The following CLDN1 variants were observed in gnomAD, a reference collection of about 807,000 sequenced individuals.
CLDN1 encodes claudin 1.
In CLDN1, 12 loss-of-function variants were observed where a neutral mutation model predicts 22.6. The observed-to-expected ratio is 0.53, with a 90% CI of 0.34 to 0.86. The LOEUF (loss-of-function observed/expected upper bound fraction) is 0.86. Among genes scored for constraint, CLDN1 ranks in the 40% least tolerant of loss-of-function variants. The probability of loss-of-function intolerance (pLI) is 0.02; values close to 1 mark genes in which losing one functional copy is unlikely to be tolerated. For synonymous variants in CLDN1, 99 were observed against 103.8 expected (o/e 0.95, Z 0.28); for missense variants, 250 against 269.5 (o/e 0.93, Z 0.51).
intron 1 of CLDN1, among the ~76,000 whole-genome samples, chr3:190,321,747 A>G (rs899222645): frequency 6.6e-6 from 1 of 152,180 alleles, no homozygotes; most frequent in Non-Finnish European, 1.5e-5. Context: ...ATGAAGCCAC[A>G]CCTAGAGTGG....
At chr3:190,314,147 A>G (rs535427274) in intron 1 of CLDN1, among the ~76,000 whole-genome samples, 43 of 152,292 alleles carry the variant, frequency 2.8e-4, no homozygotes, top group Non-Finnish European at 5.7e-4. Flanking sequence ...AATGTAAATT[A>G]TATCTTTATC....
At chr3:190,318,820 A>AT (rs1444669685) in intron 1 of CLDN1, among the ~76,000 whole-genome samples, 12 of 152,166 alleles carry the variant, frequency 7.9e-5, no homozygotes, top group African/African-American at 2.9e-4. Flanking sequence ...CACGTCAGTG[A>AT]TTTTGTCTCT....
rs906662029 is a variant in CLDN1, at chr3:190,305,877, T to C, written c.*2400A>G. ...CAATTTCGTTGGTCATTTTGGGCCA[T>C]AAAATTTTTTTGTAATGTTTGGTAA... is the stretch of plus-strand genomic sequence containing the variant. On this transcript the variant is annotated 3_prime_UTR_variant, in exon 4 of 4. Coordinates refer to ENST00000295522, the MANE Select transcript of CLDN1 (RefSeq NM_021101.5). 1.3e-5 allele frequency: 2 copies of C among 152,206 alleles called. No homozygotes were observed. The highest frequency in any genetic ancestry group is 2.1e-4 in the South Asian group (1 of 4,834). 9.4% of individuals were successfully genotyped at this position (152,206 alleles called of 1,614,324 possible). A position where few individuals can be genotyped will look rare whatever the true frequency, so the allele number is the denominator to read the frequency against.
At chr3:190,318,172 A>C (rs1716819799) in intron 1 of CLDN1, among the ~76,000 whole-genome samples, 1 of 152,182 alleles carries the variant, frequency 6.6e-6, no homozygotes, top group African/African-American at 2.4e-5. Context: ...ACATAAGCAA[A>C]ATCAGGAGTG....
Position 190,322,275 on chromosome 3 carries a change from A to T in CLDN1, c.-69T>A. ...GAAGGCGGAGAGTTTGCAGGTGGGC[A>T]ACCCGGACTCCCGAAGGTGGCTGGG... On this transcript the variant is annotated 5_prime_UTR_variant, in exon 1 of 4. Coordinates refer to ENST00000295522, the MANE Select transcript of CLDN1 (RefSeq NM_021101.5). 1 of 1,395,800 alleles carries T rather than the reference A, an allele frequency of 7.2e-7. No homozygotes were observed. The highest frequency in any genetic ancestry group is 1.0e-6 in the Non-Finnish European group (1 of 994,882). The allele number at this position is 1,395,800 out of a possible 1,614,324, so 86.5% of individuals were successfully genotyped here.
At chr3:190,312,010 C>T (rs910858520) in intron 2 of CLDN1, among the ~76,000 whole-genome samples, 6 of 150,362 alleles carry the variant, frequency 4.0e-5, no homozygotes, top group Admixed American at 6.6e-5. Flanking sequence ...TGCAGTGGTG[C>T]GATCTCGGCT....
chr3:190,316,613 T>C (rs1716777081), intron 1 of CLDN1, among the ~76,000 whole-genome samples: 1 of 152,188 alleles, frequency 6.6e-6, no homozygotes, highest in Non-Finnish European at 1.5e-5. Context: ...CATAGAAGTG[T>C]TTTAAATCAG....
intron 1 of CLDN1, among the ~76,000 whole-genome samples, chr3:190,319,514 C>T (rs1186898833): frequency 1.3e-5 from 2 of 152,146 alleles, no homozygotes. Flanking sequence ...TGTATTCCTT[C>T]AGATACTTTA....
rs115352609 is a variant in CLDN1 at position 190,318,393 on chromosome 3, C to T, written c.223+3591G>A. Among the ~76,000 whole-genome samples the T allele has an allele frequency of 5.3e-3, 801 of 152,262 alleles. 7 individuals carry two copies. Among genetic ancestry groups the T allele is most frequent in the African/African-American group, 0.019 (774 of 41,538 alleles). On this transcript the variant is annotated intron_variant, in intron 1 of 3. Coordinates refer to ENST00000295522, the MANE Select transcript of CLDN1 (RefSeq NM_021101.5). ...TCCCCTTCAATCACTGAAGTAATAA[C>T]AAAGAATTCTGGCACTGGAAGGAAT...
chr3:190,320,500 T>C (rs1350081043), intron 1 of CLDN1, among the ~76,000 whole-genome samples: 6 of 152,198 alleles, frequency 3.9e-5, no homozygotes, highest in Admixed American at 3.9e-4. Flanking sequence ...TTACTAAACT[T>C]ATGGATTGGT....
At chr3:190,315,647 C>A (rs138543488) in intron 1 of CLDN1, among the ~76,000 whole-genome samples, 251 of 152,202 alleles carry the variant, frequency 1.6e-3, no homozygotes, top group Middle Eastern at 3.4e-3. Flanking sequence ...TACTCTTTTT[C>A]AACCTTTTAT....
chr3:190,312,788 A>G (rs1716657397), intron 2 of CLDN1, 84 bp downstream of exon 2: 3 of 1,486,972 alleles, frequency 2.0e-6, no homozygotes, highest in African/African-American at 2.8e-5. Flanking sequence ...GACTGAAATC[A>G]AGTATAATGA....
In CLDN1 at chr3:190,308,175, C is replaced by T. The variant is rs3172404; in HGVS notation, c.*102G>A. ...TTGTTTGTTTTGTAATACCATACTT[C>T]AGATTACAATACCCAAAATTCTAAG... On this transcript the variant is annotated 3_prime_UTR_variant, in exon 4 of 4. Transcript: ENST00000295522. 0.17 allele frequency: 237,357 copies of T among 1,364,970 alleles called. 21,886 individuals are homozygous for T. Among genetic ancestry groups the T allele is most frequent in the Middle Eastern group, 0.23 (952 of 4,166 alleles). 84.6% of individuals were successfully genotyped at this position (1,364,970 alleles called of 1,614,324 possible).
At position 190,312,896 on chromosome 3, in the gene CLDN1, C is replaced by G; in HGVS notation, c.364G>C (p.Gly122Arg). 6.2e-7 allele frequency: 1 copy of G among 1,614,156 alleles called. No individual in the cohort carries two copies. Among genetic ancestry groups the G allele is most frequent in the African/African-American group, 1.3e-5 (1 of 75,036 alleles). The change falls in exon 2 of 4, where the codon GGG (glycine) becomes CGG (arginine). Residue 122 changes from glycine to arginine, a missense_variant. Physicochemically the swap from Gly to Arg is moderately radical, Grantham distance 125. Transcript: ENST00000295522. ...EVQKMRMAVI[G>R]GAIFLLAGLA... is the part of the protein sequence containing the mutation. ...CCTGCAAGAAGAAATATCGCACCCC[C>G]AATGACAGCCATCCTCATCTTCTGC...
At chr3:190,310,288 C>A (rs111918856) in intron 2 of CLDN1, 35 bp from the exon 3 acceptor site, 2 of 1,524,828 alleles carry the variant, frequency 1.3e-6, no homozygotes, top group South Asian at 2.2e-5. Flanking sequence ...TGTTAATCAC[C>A]ATGGAACACT....
At position 190,308,135 on chromosome 3, in the gene CLDN1, G is replaced by A. The variant is rs1716508390; in HGVS notation, c.*142C>T. 3.1e-6 allele frequency: 3 copies of A among 980,310 alleles called. No homozygotes were observed. Among genetic ancestry groups the A allele is most frequent in the Non-Finnish European group, 3.2e-6 (2 of 622,996 alleles). The allele number at this position is 980,310 out of a possible 1,614,324, so 60.7% of individuals were successfully genotyped here. A position where few individuals can be genotyped will look rare whatever the true frequency, so the allele number is the denominator to read the frequency against. On this transcript the variant is annotated 3_prime_UTR_variant, in exon 4 of 4. Coordinates refer to ENST00000295522, the MANE Select transcript of CLDN1 (RefSeq NM_021101.5). Reference sequence around the variant, plus strand: ...TTTAGCACTGAGTATTTTAACACATGGGTTTTTTGTTTGTTTGTTTGTTTT... The same window carrying A: ...TTTAGCACTGAGTATTTTAACACATAGGTTTTTTGTTTGTTTGTTTGTTTT...
At chr3:190,312,487 G>C (rs548919274) in intron 2 of CLDN1, among the ~76,000 whole-genome samples, 2 of 152,086 alleles carry the variant, frequency 1.3e-5, no homozygotes, top group Non-Finnish European at 1.5e-5. Flanking sequence ...AGACCTGAAG[G>C]GTTCACATAT....
chr3:190,321,992 T>C lies in CLDN1; in HGVS notation c.215A>G (p.Asn72Ser). ...IQCKVFDSLL[N>S]LSSTLQATRA... is the part of the protein sequence containing the mutation. ...GGTGGGGGTGCACTCACTGCTCAGA[T>C]TCAGCAAGGAGTCAAAGACTTTGCA... Residue 72 changes from asparagine to serine, a missense_variant, in exon 1 of 4, where the codon AAT becomes AGT. Coordinates refer to ENST00000295522, the MANE Select transcript of CLDN1 (RefSeq NM_021101.5). The C allele has an allele frequency of 1.9e-6, 3 of 1,614,072 alleles. No individual in the cohort carries two copies. Among genetic ancestry groups the C allele is most frequent in the Non-Finnish European group, 2.5e-6 (3 of 1,179,974 alleles).
At chr3:190,318,316 T>C (rs3774022) in intron 1 of CLDN1, among the ~76,000 whole-genome samples, 11,252 of 152,264 alleles carry the variant, frequency 0.074, 558 homozygotes, top group East Asian at 0.14. Context: ...ACCTCCATTA[T>C]ATTTCCTTAA....
Sources: allele counts gnomAD v4.1 joint callset (sites outside exome capture counted in the v4.1 genomes callset), GRCh38; gene constraint gnomAD v4.1.1; transcripts MANE v1.5; gene names NCBI Gene and HGNC (gene_info 2026-07-23, HGNC 2026-07-21).